The following ANO3 variants were observed in gnomAD, a reference collection of about 807,000 sequenced individuals.
ANO3 encodes the protein anoctamin 3, also known as anoctamin-3.
A neutral mutation model predicts 144.8 loss-of-function variants in ANO3; 99 were observed. The observed-to-expected ratio is 0.68, with a 90% CI of 0.58 to 0.81. The LOEUF is 0.81. Ranked by LOEUF, ANO3 falls within the 30% of genes least tolerant of loss-of-function variation. The pLI, the probability that ANO3 is intolerant of heterozygous loss-of-function variation, is 0.00. For synonymous variants in ANO3, 414 were observed against 392.6 expected, an observed-to-expected ratio of 1.05 and a Z score of -0.64; for missense variants, 905 against 1,202.2, an observed-to-expected ratio of 0.75 and a Z score of 3.66.
At position 26,486,360 on chromosome 11, in the gene ANO3, C is replaced by CAAAA. The variant is rs10681114; in HGVS notation, c.433-21728_433-21725dup. 2.0e-3 allele frequency among the ~76,000 whole-genome samples: 148 copies of CAAAA among 74,098 alleles called. 1 individual carries two copies. The highest frequency in any genetic ancestry group is 4.0e-3 in the East Asian group (9 of 2,248). 48.6% of individuals were successfully genotyped at this position (74,098 alleles called of 152,430 possible). ...TGGGCGACAGAGTGAGACTCTGTCTCAAAAAAAAAAAAAAAAAAAGGAAGT... is the reference window on the plus strand; with the variant it reads ...TGGGCGACAGAGTGAGACTCTGTCTCAAAAAAAAAAAAAAAAAAAAAAAGGAAGT... On this transcript the variant is annotated intron_variant, in intron 4 of 26. Transcript: ENST00000256737.
chr11:26,310,534 C>T (rs1356306391), intron 1 of ANO3, among the ~76,000 whole-genome samples: 2 of 152,152 alleles, frequency 1.3e-5, no homozygotes, highest in Non-Finnish European at 2.9e-5. Context: ...GTACATTGGA[C>T]TACCATAGCC....
intron 1 of ANO3, among the ~76,000 whole-genome samples, chr11:26,236,045 T>C (rs1208767768): frequency 6.6e-6 from 1 of 152,184 alleles, no homozygotes; most frequent in African/African-American, 2.4e-5. Flanking sequence ...TAGCAAACCC[T>C]AGATTATTTT....
chr11:26,261,895 C>T (rs1853197924), intron 1 of ANO3, among the ~76,000 whole-genome samples: 1 of 152,006 alleles, frequency 6.6e-6, no homozygotes, highest in African/African-American at 2.4e-5. Context: ...AAACAATATG[C>T]ACCATATGCT....
In ANO3 at chr11:26,275,388, T is replaced by TA. The variant is rs562709909; in HGVS notation, c.155-34250dup. On this transcript the variant is annotated intron_variant, in intron 1 of 27. Coordinates refer to the ANO3 transcript ENST00000672621. ...TGAAATATGATTCTTTAGAGAAATC[T>TA]AAAAAAATCTACAATAATGTTTCTA... Among the ~76,000 whole-genome samples the TA allele has an allele frequency of 3.9e-3, 595 of 152,270 alleles. 2 individuals are homozygous for TA. Among genetic ancestry groups the TA allele is most frequent in the African/African-American group, 0.013 (559 of 41,564 alleles).
chr11:26,330,417 A>T (rs1855007675), upstream of ANO3, among the ~76,000 whole-genome samples: 1 of 152,182 alleles, frequency 6.6e-6, no homozygotes, highest in African/African-American at 2.4e-5. Context: ...ACTCACACTG[A>T]GTTCATTGTC....
chr11:26,429,239 A>T (rs1034496801), intron 1 of ANO3, among the ~76,000 whole-genome samples: 5 of 152,162 alleles, frequency 3.3e-5, no homozygotes, highest in African/African-American at 9.7e-5. Context: ...AATGGAGAAG[A>T]TGAGAGTGCT....
At chr11:26,254,615 C>A (rs1039678775) in intron 1 of ANO3, among the ~76,000 whole-genome samples, 1 of 152,040 alleles carries the variant, frequency 6.6e-6, no homozygotes, top group Non-Finnish European at 1.5e-5. Context: ...TTTTGTTATG[C>A]TATTTTAAAC....
chr11:26,306,421 A>G (rs1378210705), upstream of ANO3, among the ~76,000 whole-genome samples: 1 of 152,084 alleles, frequency 6.6e-6, no homozygotes, highest in Non-Finnish European at 1.5e-5. Context: ...ACTCAAGGAC[A>G]GGTATGGTGG....
At chr11:26,231,318 A>G (rs1852394619) in intron 1 of ANO3, among the ~76,000 whole-genome samples, 1 of 152,178 alleles carries the variant, frequency 6.6e-6, no homozygotes. Context: ...TAGTCTGCTG[A>G]GAGTGGCCAA....
intron 1 of ANO3, among the ~76,000 whole-genome samples, chr11:26,333,469 A>G (rs924998672): frequency 6.6e-6 from 1 of 151,890 alleles, no homozygotes; most frequent in Non-Finnish European, 1.5e-5. Context: ...TTTTTAGTAG[A>G]GACGGGGTTT....
chr11:26,350,872 G>C (rs542767960), intron 1 of ANO3, among the ~76,000 whole-genome samples: 1 of 152,014 alleles, frequency 6.6e-6, no homozygotes, highest in Non-Finnish European at 1.5e-5. Flanking sequence ...TTTATTAGGG[G>C]TAAGGTGCTC....
intron 4 of ANO3, among the ~76,000 whole-genome samples, chr11:26,506,732 T>G (rs1300443769): frequency 2.6e-5 from 4 of 152,204 alleles, no homozygotes; most frequent in Non-Finnish European, 5.9e-5. Context: ...TCTGCAGAAC[T>G]ACAGCCAACT....
At chr11:26,533,955 T>C (rs10767549) in intron 8 of ANO3, among the ~76,000 whole-genome samples, 106,772 of 151,596 alleles carry the variant, frequency 0.7, 37,955 homozygotes, top group East Asian at 0.84. Flanking sequence ...GACCCTTCCA[T>C]CCCTCTTGAG....
At chr11:26,228,075 C>T (rs1055500775) in intron 1 of ANO3, among the ~76,000 whole-genome samples, 1 of 152,190 alleles carries the variant, frequency 6.6e-6, no homozygotes, top group African/African-American at 2.4e-5. Context: ...TGCTAACCTA[C>T]TGCATCTCCA....
Position 26,598,935 on chromosome 11 carries a change from A to ACAT in ANO3, c.1611_1613dup (p.His537dup). 2 of 1,614,094 alleles carry ACAT rather than the reference A, an allele frequency of 1.2e-6. No homozygotes were observed. Among genetic ancestry groups the ACAT allele is most frequent in the Non-Finnish European group, 1.7e-6 (2 of 1,179,970 alleles). ...ATCCCATCACGGGAAAACCTGAACCACATCAGCCTTCCTCAGACAAAGTCA... is the reference window on the plus strand; with the variant it reads ...ATCCCATCACGGGAAAACCTGAACCACATCATCAGCCTTCCTCAGACAAAGTCA... On this transcript the variant is annotated inframe_insertion, in exon 16 of 27. Coordinates refer to ENST00000256737, the MANE Select transcript of ANO3 (RefSeq NM_031418.4).
At chr11:26,398,817 C>T (rs1857079824) in intron 1 of ANO3, among the ~76,000 whole-genome samples, 1 of 151,904 alleles carries the variant, frequency 6.6e-6, no homozygotes, top group South Asian at 2.1e-4. Context: ...CATGAAGCAG[C>T]CCAGGGAAGG....
At chr11:26,545,999 A>G (rs1299990652) in intron 11 of ANO3, among the ~76,000 whole-genome samples, 1 of 151,914 alleles carries the variant, frequency 6.6e-6, no homozygotes, top group East Asian at 1.9e-4. Flanking sequence ...AACAATGTGT[A>G]ATTTAAAATA....
chr11:26,193,216 A>C, intron 1 of ANO3, among the ~76,000 whole-genome samples: 1 of 134,602 alleles, frequency 7.4e-6, no homozygotes. Context: ...ATCTCGGCTC[A>C]CCGCAACCTC....
chr11:26,559,673 T>G (rs763126322), intron 13 of ANO3, 46 bp from the exon 14 acceptor site: 6 of 1,396,158 alleles, frequency 4.3e-6, no homozygotes, highest in Non-Finnish European at 6.1e-6. Context: ...ACTGGCTTAT[T>G]ATAATCAATT....
Sources: allele counts gnomAD v4.1 joint callset (sites outside exome capture counted in the v4.1 genomes callset), GRCh38; gene constraint gnomAD v4.1.1; transcripts MANE v1.5; gene names NCBI Gene and HGNC (gene_info 2026-07-23, HGNC 2026-07-21).